Variants in PRKG1 observed in about 807,000 individuals in gnomAD.
PRKG1 encodes the protein protein kinase cGMP-dependent 1.
Under a neutral mutation model 88.1 loss-of-function variants are expected in PRKG1, and 35 were observed. That is an observed-to-expected ratio of 0.40 (90% confidence interval 0.30 to 0.53). The LOEUF (loss-of-function observed/expected upper bound fraction) is 0.53. Ranked by LOEUF, PRKG1 falls within the 20% of genes least tolerant of loss-of-function variation. The pLI, the probability that PRKG1 is intolerant of heterozygous loss-of-function variation, is 0.59. For synonymous variants in PRKG1, 303 were observed against 292.5 expected, an observed-to-expected ratio of 1.04 and a Z score of -0.37; for missense variants, 540 against 839.8, an observed-to-expected ratio of 0.64 and a Z score of 4.41.
chr10:51,628,002 CTCTCTCTCTTTCTT>C (rs1348113128), intron 3 of PRKG1, among the ~76,000 whole-genome samples: 6 of 61,442 alleles, frequency 9.8e-5, no homozygotes, highest in Admixed American at 7.9e-4. Context: ...CTCTCTCTCT[CTCTCTCTCTTTCTT>C]TCTTTCTTTC....
intron 2 of PRKG1, among the ~76,000 whole-genome samples, chr10:51,237,953 T>G (rs1238317850): frequency 6.6e-6 from 1 of 152,192 alleles, no homozygotes. Context: ...TAACGATATC[T>G]ATAGTATGTT....
intron 5 of PRKG1, among the ~76,000 whole-genome samples, chr10:52,021,703 TTG>T (rs533489890): frequency 2.3e-4 from 35 of 152,280 alleles, no homozygotes; most frequent in Admixed American, 1.0e-3. Context: ...ATTACCCAAA[TTG>T]CATGAAATTT....
chr10:51,563,231 G>A (rs886296197), intron 3 of PRKG1, among the ~76,000 whole-genome samples: 1 of 152,134 alleles, frequency 6.6e-6, no homozygotes, highest in African/African-American at 2.4e-5. Context: ...GAGTTCTAGT[G>A]TTGTACACCA....
chr10:51,347,849 C>T (rs1004422434), intron 2 of PRKG1, among the ~76,000 whole-genome samples: 17 of 151,994 alleles, frequency 1.1e-4, no homozygotes, highest in Admixed American at 3.9e-4. Context: ...AACACGAGGT[C>T]AGGAGATCGA....
intron 4 of PRKG1, among the ~76,000 whole-genome samples, chr10:51,845,529 A>G (rs1488605524): frequency 6.6e-6 from 1 of 152,208 alleles, no homozygotes; most frequent in Non-Finnish European, 1.5e-5. Flanking sequence ...AAATGTGGAC[A>G]TTAAATTGAT....
chr10:51,694,166 G>C (rs1841222573), intron 3 of PRKG1, among the ~76,000 whole-genome samples: 1 of 152,176 alleles, frequency 6.6e-6, no homozygotes, highest in Non-Finnish European at 1.5e-5. Context: ...TCTTTTGTGA[G>C]AAGACTCTCA....
intron 2 of PRKG1, among the ~76,000 whole-genome samples, chr10:51,267,945 C>A (rs1184293965): frequency 6.6e-6 from 1 of 152,136 alleles, no homozygotes; most frequent in African/African-American, 2.4e-5. Flanking sequence ...AGATATCGGG[C>A]AAAATTCACC....
chr10:52,243,433 C>T (rs922590419), intron 9 of PRKG1, among the ~76,000 whole-genome samples: 1 of 151,892 alleles, frequency 6.6e-6, no homozygotes, highest in African/African-American at 2.4e-5. Flanking sequence ...CAGATTAGTT[C>T]CTTTATTTAA....
chr10:52,285,787 G>A (rs1842104889), intron 14 of PRKG1, among the ~76,000 whole-genome samples: 1 of 151,964 alleles, frequency 6.6e-6, no homozygotes, highest in Non-Finnish European at 1.5e-5. Context: ...GTAACTAGCA[G>A]AGCTCAGGAC....
intron 3 of PRKG1, among the ~76,000 whole-genome samples, chr10:51,721,633 A>G (rs569403151): frequency 1.3e-4 from 20 of 152,330 alleles, no homozygotes; most frequent in African/African-American, 4.8e-4. Context: ...ACACTCTCTG[A>G]TACCACTTGC....
intron 4 of PRKG1, among the ~76,000 whole-genome samples, chr10:51,890,361 C>T (rs550655464): frequency 6.6e-6 from 1 of 152,292 alleles, no homozygotes; most frequent in Admixed American, 6.5e-5. Flanking sequence ...AAAACTCCTA[C>T]ACTAATCCAT....
intron 3 of PRKG1, among the ~76,000 whole-genome samples, chr10:51,782,546 C>T (rs545197572): frequency 6.6e-6 from 1 of 152,164 alleles, no homozygotes; most frequent in South Asian, 2.1e-4. Flanking sequence ...AGAGCTTGGA[C>T]GTTGATATGG....
intron 2 of PRKG1, among the ~76,000 whole-genome samples, chr10:51,413,617 C>T (rs899510025): frequency 1.3e-5 from 2 of 152,044 alleles, no homozygotes; most frequent in Admixed American, 1.3e-4. Flanking sequence ...CCTCTGCCTC[C>T]CAAGGTGCTG....
Position 51,964,119 on chromosome 10 carries a change from T to C in PRKG1, c.762+56549T>C, listed in dbSNP as rs542794535. 3.3e-5 allele frequency among the ~76,000 whole-genome samples: 5 copies of C among 152,306 alleles called. No individual in the cohort carries two copies. In the South Asian group the frequency reaches 1.0e-3, roughly 32 times the overall value. On this transcript the variant is annotated intron_variant, in intron 5 of 17. Transcript: ENST00000373980. Reference sequence around the variant, plus strand: ...CCTATCAAAGACCATCACTTTAACCTGAGCTTCCGTTGTCGTGTATCCTTT... The same window carrying C: ...CCTATCAAAGACCATCACTTTAACCCGAGCTTCCGTTGTCGTGTATCCTTT...
intron 4 of PRKG1, among the ~76,000 whole-genome samples, chr10:51,842,023 C>T (rs1271619184): frequency 2.0e-5 from 3 of 152,174 alleles, no homozygotes; most frequent in Non-Finnish European, 4.4e-5. Context: ...TCTTGGATTT[C>T]AAGGCAGATA....
rs567307700 is a variant in PRKG1 at position 51,658,143 on chromosome 10, G to A, written c.593-146442G>A. ...TCTGTTAACAGAAACTATCCCATTG[G>A]CAAGCAGTACAGTGAATTATATTCA... On this transcript the variant is annotated intron_variant, in intron 3 of 17. Coordinates refer to ENST00000373980, the MANE Select transcript of PRKG1 (RefSeq NM_006258.4). 1.9e-4 allele frequency among the ~76,000 whole-genome samples: 29 copies of A among 152,178 alleles called. No homozygotes were observed. The South Asian group carries it at 6.0e-3, about 32-fold the overall frequency.
At chr10:52,195,149 AAG>A (rs1207515610) in intron 9 of PRKG1, among the ~76,000 whole-genome samples, 1 of 152,192 alleles carries the variant, frequency 6.6e-6, no homozygotes, top group African/African-American at 2.4e-5. Context: ...TGAAAATGGA[AAG>A]AGAGATGTAT....
chr10:51,819,508 A>C (rs1387106741), intron 4 of PRKG1, among the ~76,000 whole-genome samples: 3 of 152,130 alleles, frequency 2.0e-5, no homozygotes, highest in Admixed American at 6.5e-5. Context: ...TTGGTCCAAG[A>C]ACCTGTCTAT....
intron 3 of PRKG1, among the ~76,000 whole-genome samples, chr10:51,794,661 G>T (rs1023214861): frequency 1.6e-4 from 25 of 151,826 alleles, no homozygotes; most frequent in Non-Finnish European, 1.9e-4. Flanking sequence ...ACTATATGAG[G>T]TATTGCAATT....
Sources: allele counts gnomAD v4.1 joint callset (sites outside exome capture counted in the v4.1 genomes callset), GRCh38; gene constraint gnomAD v4.1.1; transcripts MANE v1.5; gene names NCBI Gene and HGNC (gene_info 2026-07-23, HGNC 2026-07-21).